Variants in LSAMP observed in about 807,000 individuals in gnomAD.
LSAMP encodes limbic system-associated membrane protein.
LSAMP carries 7 observed loss-of-function variants against 38.6 expected under a neutral mutation model. The observed-to-expected ratio is 0.18, with a 90% CI of 0.10 to 0.34. The LOEUF (loss-of-function observed/expected upper bound fraction) is 0.34. Ranked by LOEUF, LSAMP falls within the 10% of genes least tolerant of loss-of-function variation. LSAMP has a pLI of 1.00. For missense variants in LSAMP, 313 were observed against 420.0 expected, an observed-to-expected ratio of 0.75 and a Z score of 2.23; for synonymous variants, 154 against 166.8, an observed-to-expected ratio of 0.92 and a Z score of 0.59.
chr3:116,038,756 G>A (rs1941102555), intron 2 of LSAMP, among the ~76,000 whole-genome samples: 1 of 152,274 alleles, frequency 6.6e-6, no homozygotes, highest in South Asian at 2.1e-4. Context: ...GAAAGACCAC[G>A]AAGGGCAACA....
intron 1 of LSAMP, among the ~76,000 whole-genome samples, chr3:116,426,456 C>A (rs2049197067): frequency 1.1e-5 from 1 of 92,176 alleles, no homozygotes; most frequent in African/African-American, 4.0e-5. Flanking sequence ...GGCGAAACTC[C>A]GTCTCAAAAA....
At chr3:116,011,625 A>C (rs1222047467) in intron 3 of LSAMP, among the ~76,000 whole-genome samples, 1 of 152,218 alleles carries the variant, frequency 6.6e-6, no homozygotes, top group African/African-American at 2.4e-5. Flanking sequence ...AAAGGGTCCA[A>C]CTGGAAAACT....
chr3:115,810,223 CTCTCTCTCTCTCTCTCTCTCTG>C lies in LSAMP; in HGVS notation c.*72_*93del, dbSNP rs1933773948. On this transcript the variant is annotated 3_prime_UTR_variant, in exon 7 of 7. Transcript: ENST00000490035. ...TTGTGAAATAAACGGTCTCCCCCAT[CTCTCTCTCTCTCTCTCTCTCTG>C]TCTCTCTCTCTCTGTATTCTGTGTG... The C allele has an allele frequency of 6.7e-6, 2 of 298,798 alleles. No homozygotes were observed. The highest frequency in any genetic ancestry group is 2.4e-3 in the Middle Eastern group (2 of 842). 18.5% of individuals were successfully genotyped at this position (298,798 alleles called of 1,614,324 possible).
At chr3:115,849,954 A>G (rs911640329) in intron 4 of LSAMP, among the ~76,000 whole-genome samples, 6 of 152,206 alleles carry the variant, frequency 3.9e-5, no homozygotes, top group African/African-American at 1.4e-4. Context: ...CTACTTATTC[A>G]ATACACATTT....
chr3:116,388,120 T>G (rs945764035), intron 1 of LSAMP, among the ~76,000 whole-genome samples: 5 of 152,028 alleles, frequency 3.3e-5, no homozygotes, highest in Admixed American at 3.3e-4. Context: ...AGGGGCATTT[T>G]GGCCAAGAAA....
At chr3:116,409,104 A>T (rs1405337491) in intron 1 of LSAMP, among the ~76,000 whole-genome samples, 1 of 151,960 alleles carries the variant, frequency 6.6e-6, no homozygotes, top group Non-Finnish European at 1.5e-5. Context: ...TCATGTGTAA[A>T]GCTCTCCAGA....
intron 3 of LSAMP, among the ~76,000 whole-genome samples, chr3:115,855,677 C>T (rs1935485228): frequency 6.6e-6 from 1 of 152,162 alleles, no homozygotes; most frequent in South Asian, 2.1e-4. Flanking sequence ...TTCTCCTGCT[C>T]CTTTCTTTCC....
chr3:116,105,401 T>C (rs1708441045), intron 1 of LSAMP, among the ~76,000 whole-genome samples: 1 of 152,112 alleles, frequency 6.6e-6, no homozygotes, highest in African/African-American at 2.4e-5. Context: ...AGGCTTTGTG[T>C]GAGCAACATG....
intron 2 of LSAMP, among the ~76,000 whole-genome samples, chr3:116,044,772 G>A (rs1941253134): frequency 6.6e-6 from 1 of 152,168 alleles, no homozygotes; most frequent in Non-Finnish European, 1.5e-5. Context: ...CTGTACAGGA[G>A]GGTAATGTGA....
chr3:115,806,060 T>C lies in LSAMP; in HGVS notation c.*4257A>G, dbSNP rs1011661329. On this transcript the variant is annotated 3_prime_UTR_variant, in exon 7 of 7. Transcript: ENST00000490035. Reference sequence around the variant, plus strand: ...AAAAAATGATATTGGTAACCAAGACTAAATGCAGGCTAAAAGTGTATGAGG... The same window carrying C: ...AAAAAATGATATTGGTAACCAAGACCAAATGCAGGCTAAAAGTGTATGAGG... The C allele has an allele frequency of 2.0e-5, 3 of 152,186 alleles. No homozygotes were observed. The highest frequency in any genetic ancestry group is 7.2e-5 in the African/African-American group (3 of 41,468). The allele number at this position is 152,186 out of a possible 1,614,324, so 9.4% of individuals were successfully genotyped here.
At chr3:115,843,738 G>A (rs13069416) in intron 4 of LSAMP, among the ~76,000 whole-genome samples, 13 of 151,738 alleles carry the variant, frequency 8.6e-5, no homozygotes, top group African/African-American at 2.7e-4. Context: ...ACCTATAGAA[G>A]ACTGCAATTC....
At chr3:116,074,885 C>G (rs1169617028) in intron 2 of LSAMP, among the ~76,000 whole-genome samples, 3 of 145,950 alleles carry the variant, frequency 2.1e-5, no homozygotes, top group African/African-American at 8.0e-5. Flanking sequence ...CTCTTGTTGC[C>G]CAGGCTGGAG....
chr3:115,827,817 C>T (rs888742466), intron 6 of LSAMP, among the ~76,000 whole-genome samples: 1 of 152,154 alleles, frequency 6.6e-6, no homozygotes, highest in South Asian at 2.1e-4. Flanking sequence ...GAATTCCAAA[C>T]TCATTATGCC....
Position 115,804,235 on chromosome 3 carries a change from A to G in LSAMP, c.*6082T>C, listed in dbSNP as rs1933579928. On this transcript the variant is annotated 3_prime_UTR_variant, in exon 7 of 7. Coordinates refer to ENST00000490035, the MANE Select transcript of LSAMP (RefSeq NM_002338.5). Reference sequence around the variant, plus strand: ...TACAGAGACCAAACTAGAGATAACAAACAGCTGCTGTTTACAAACAGTGCT... The same window carrying G: ...TACAGAGACCAAACTAGAGATAACAGACAGCTGCTGTTTACAAACAGTGCT... The G allele has an allele frequency of 6.6e-6, 1 of 152,228 alleles. No homozygotes were observed. The highest frequency in any genetic ancestry group is 6.5e-5 in the Admixed American group (1 of 15,270). The allele number at this position is 152,228 out of a possible 1,614,324, so 9.4% of individuals were successfully genotyped here. A position where few individuals can be genotyped will look rare whatever the true frequency, so the allele number is the denominator to read the frequency against.
chr3:116,341,725 A>G (rs894160277), intron 1 of LSAMP, among the ~76,000 whole-genome samples: 8 of 152,012 alleles, frequency 5.3e-5, no homozygotes, highest in Non-Finnish European at 8.8e-5. Context: ...ATGATCCATT[A>G]TGTTGGGGCA....
At chr3:115,816,016 A>C (rs1559833339) in intron 6 of LSAMP, among the ~76,000 whole-genome samples, 1 of 152,124 alleles carries the variant, frequency 6.6e-6, no homozygotes, top group Non-Finnish European at 1.5e-5. Flanking sequence ...CACCCCTCTG[A>C]GACTCAGAGA....
At chr3:116,201,793 T>C (rs1249465513) in intron 1 of LSAMP, among the ~76,000 whole-genome samples, 1 of 152,160 alleles carries the variant, frequency 6.6e-6, no homozygotes, top group Non-Finnish European at 1.5e-5. Context: ...CTGAAGACTC[T>C]TTCCTGACCA....
intron 1 of LSAMP, among the ~76,000 whole-genome samples, chr3:116,201,377 T>A (rs2045984054): frequency 1.3e-5 from 2 of 152,170 alleles, no homozygotes; most frequent in African/African-American, 4.8e-5. Context: ...GGACAGTGTC[T>A]TAGTCACCTT....
At chr3:116,412,094 C>G (rs545303996) in intron 1 of LSAMP, among the ~76,000 whole-genome samples, 3 of 152,140 alleles carry the variant, frequency 2.0e-5, no homozygotes, top group East Asian at 3.9e-4. Context: ...AGAAAGCGGA[C>G]TAAGGCAGTT....
Sources: gnomAD v4.1 joint callset for allele counts (sites outside exome capture counted in the v4.1 genomes callset) on GRCh38, gnomAD v4.1.1 for gene constraint, MANE v1.5 for transcripts, NCBI Gene and HGNC (gene_info 2026-07-23, HGNC 2026-07-21) for gene names.